The following PHF21B variants were observed in gnomAD, a reference collection of about 807,000 sequenced individuals.
PHF21B encodes the protein PHD finger protein 4.
A neutral mutation model predicts 62.2 loss-of-function variants in PHF21B; 22 were observed. The ratio of observed to expected loss-of-function variants is 0.35; its 90% CI spans 0.25 to 0.51. PHF21B has a LOEUF of 0.51. PHF21B is among the 20% of genes least tolerant of loss of function. PHF21B has a pLI of 0.97. For synonymous variants in PHF21B, 341 were observed against 314.7 expected (o/e 1.08, Z -0.88); for missense variants, 701 against 707.9 (o/e 0.99, Z 0.11).
At chr22:44,998,717 C>T (rs982254125) in intron 2 of PHF21B, among the ~76,000 whole-genome samples, 2 of 152,230 alleles carry the variant, frequency 1.3e-5, no homozygotes, top group South Asian at 2.1e-4. Flanking sequence ...TGCCTCCCTG[C>T]TTTTCTACGG....
chr22:44,995,678 C>CTTCGGT (rs2073108077), intron 2 of PHF21B, among the ~76,000 whole-genome samples: 1 of 152,124 alleles, frequency 6.6e-6, no homozygotes, highest in African/African-American at 2.4e-5. Context: ...GAATCTTCGG[C>CTTCGGT]GCGTCGAGTC....
chr22:44,884,762 TACCACCATC>T (rs1569204800), intron 12 of PHF21B, among the ~76,000 whole-genome samples: 1 of 149,532 alleles, frequency 6.7e-6, no homozygotes, highest in Admixed American at 6.6e-5. Context: ...CCACCATCAT[TACCACCATC>T]ACCATCACCA....
intron 2 of PHF21B, chr22:44,989,123 C>T (rs1213818236): frequency 1.3e-5 from 2 of 152,276 alleles, no homozygotes; most frequent in Non-Finnish European, 2.9e-5. Context: ...CTACCTAACT[C>T]TCCGCAGCCC....
intron 5 of PHF21B, among the ~76,000 whole-genome samples, chr22:44,910,136 T>C (rs1460602882): frequency 6.6e-6 from 1 of 152,112 alleles, no homozygotes; most frequent in East Asian, 1.9e-4. Context: ...GTAATGACAG[T>C]ACATTGATGG....
At chr22:44,937,768 C>T (rs996769587) in intron 2 of PHF21B, among the ~76,000 whole-genome samples, 1 of 152,214 alleles carries the variant, frequency 6.6e-6, no homozygotes, top group African/African-American at 2.4e-5. Flanking sequence ...GAAAGAATGA[C>T]GAATACTCTC....
intron 2 of PHF21B, chr22:45,003,012 G>A (rs961969327): frequency 1.3e-5 from 2 of 152,292 alleles, no homozygotes; most frequent in Non-Finnish European, 2.9e-5. Context: ...CAGCAATGAT[G>A]CAGGTGTTCC....
intron 2 of PHF21B, among the ~76,000 whole-genome samples, chr22:44,921,430 G>A (rs1002921704): frequency 6.6e-5 from 10 of 151,394 alleles, no homozygotes; most frequent in African/African-American, 2.2e-4. Context: ...GCAGTGGCGC[G>A]ATCTCGGCTC....
chr22:44,902,624 T>C (rs2071180092), intron 5 of PHF21B, among the ~76,000 whole-genome samples: 1 of 152,226 alleles, frequency 6.6e-6, no homozygotes, highest in Non-Finnish European at 1.5e-5. Flanking sequence ...CAGCTCATGG[T>C]TAATTCTCTC....
intron 2 of PHF21B, among the ~76,000 whole-genome samples, chr22:44,929,728 G>A (rs1050001387): frequency 2.6e-5 from 4 of 152,222 alleles, no homozygotes; most frequent in Non-Finnish European, 4.4e-5. Flanking sequence ...AGCAGCCGGT[G>A]GCACTGGCAC....
chr22:45,006,847 G>A (rs141920981), intron 2 of PHF21B, among the ~76,000 whole-genome samples: 1,504 of 147,634 alleles, frequency 0.01, 32 homozygotes, highest in African/African-American at 0.036. Flanking sequence ...ACCAGATCTG[G>A]TGGCAGATTT....
intron 2 of PHF21B, among the ~76,000 whole-genome samples, chr22:44,957,187 G>A (rs1047218318): frequency 6.6e-6 from 1 of 152,254 alleles, no homozygotes; most frequent in Non-Finnish European, 1.5e-5. Context: ...CTCTGCAGGG[G>A]ACTGCAGTCT....
At chr22:44,961,675 T>C (rs2072423555) in intron 2 of PHF21B, among the ~76,000 whole-genome samples, 1 of 151,874 alleles carries the variant, frequency 6.6e-6, no homozygotes, top group Non-Finnish European at 1.5e-5. Flanking sequence ...ACCCAGTCTC[T>C]ACTAAAAATA....
At chr22:44,917,384 C>T (rs1426580817) in intron 3 of PHF21B, among the ~76,000 whole-genome samples, 2 of 152,140 alleles carry the variant, frequency 1.3e-5, no homozygotes, top group African/African-American at 2.4e-5. Flanking sequence ...CCAGCACCCC[C>T]ACACCCAGCA....
In PHF21B at chr22:44,893,448, G is replaced by A. The variant is rs1306384153; in HGVS notation, c.960+9C>T. On this transcript the variant is annotated intron_variant, in intron 7 of 12. Coordinates refer to ENST00000313237, the MANE Select transcript of PHF21B (RefSeq NM_138415.5). The stretch of plus-strand genomic sequence containing the variant: ...CCTCCTGGTGGCATGGGGCTGGCGG[G>A]TTCCCCACCTCGGTCTCCAGGAGGC... The A allele has an allele frequency of 1.3e-6, 2 of 1,590,296 alleles. No individual in the cohort carries two copies. Among genetic ancestry groups the A allele is most frequent in the Admixed American group, 1.8e-5 (1 of 56,974 alleles).
chr22:44,909,481 C>T (rs764861799), intron 5 of PHF21B, among the ~76,000 whole-genome samples: 7 of 152,242 alleles, frequency 4.6e-5, no homozygotes, highest in Non-Finnish European at 7.3e-5. Context: ...ACCTGGTTCA[C>T]GCTGCAGCCT....
chr22:44,979,421 C>T (rs916885036), intron 2 of PHF21B, among the ~76,000 whole-genome samples: 1 of 152,348 alleles, frequency 6.6e-6, no homozygotes, highest in Non-Finnish European at 1.5e-5. Context: ...TAAGGACAGG[C>T]GGGGCTGCAG....
chr22:44,948,191 GTTA>G (rs1482170317), intron 2 of PHF21B, among the ~76,000 whole-genome samples: 1 of 152,172 alleles, frequency 6.6e-6, no homozygotes, highest in Non-Finnish European at 1.5e-5. Context: ...GTTTATTTCT[GTTA>G]TTATTACATT....
chr22:44,932,719 G>C (rs533056505), intron 2 of PHF21B, among the ~76,000 whole-genome samples: 1 of 152,370 alleles, frequency 6.6e-6, no homozygotes, highest in South Asian at 2.1e-4. Flanking sequence ...ACGGAATGCC[G>C]ATGACGGCCC....
At chr22:44,979,690 G>C (rs553693225) in intron 2 of PHF21B, among the ~76,000 whole-genome samples, 13 of 152,336 alleles carry the variant, frequency 8.5e-5, no homozygotes, top group African/African-American at 3.1e-4. Flanking sequence ...TGTGTGCTCA[G>C]ACACTTTAAG....
Sources: gnomAD v4.1 joint callset for allele counts (sites outside exome capture counted in the v4.1 genomes callset) on GRCh38, gnomAD v4.1.1 for gene constraint, MANE v1.5 for transcripts, NCBI Gene and HGNC (gene_info 2026-07-23, HGNC 2026-07-21) for gene names.